HDAC4: variants seen among roughly 807,000 people sequenced by gnomAD.
The protein encoded by HDAC4 is histone deacetylase A.
In HDAC4, 16 loss-of-function variants were observed where a neutral mutation model predicts 135.1. The ratio of observed to expected loss-of-function variants is 0.12; its 90% CI spans 0.08 to 0.18. The LOEUF is 0.18. Among genes scored for constraint, HDAC4 ranks in the 10% least tolerant of loss-of-function variants. HDAC4 has a pLI of 1.00. For synonymous variants in HDAC4, 685 were observed against 653.4 expected, an observed-to-expected ratio of 1.05 and a Z score of -0.74; for missense variants, 1,143 against 1,511.8, an observed-to-expected ratio of 0.76 and a Z score of 4.05.
intron 17 of HDAC4, chr2:239,094,554 G>T: frequency 9.3e-7 from 1 of 1,073,118 alleles, no homozygotes; most frequent in Non-Finnish European, 1.1e-6. Context: ...ACAGCCCAGC[G>T]AGTAGCCCTA....
intron 22 of HDAC4, among the ~76,000 whole-genome samples, chr2:239,075,510 G>A (rs185013740): frequency 6.1e-4 from 93 of 152,294 alleles, no homozygotes; most frequent in African/African-American, 2.2e-3. Context: ...GTGCACCCCT[G>A]GGGCCGGCAA....
chr2:239,120,196 T>C (rs2039515018), intron 12 of HDAC4, among the ~76,000 whole-genome samples: 2 of 150,404 alleles, frequency 1.3e-5, no homozygotes, highest in Admixed American at 1.3e-4. Flanking sequence ...GGGAGACAGA[T>C]CAGAACTGGA....
chr2:239,395,722 T>C (rs1696517054), intron 1 of HDAC4, among the ~76,000 whole-genome samples: 1 of 152,102 alleles, frequency 6.6e-6, no homozygotes, highest in South Asian at 2.1e-4. Flanking sequence ...ACTGCACACT[T>C]CTGCCTGTCT....
chr2:239,152,873 C>T (rs1479534360), intron 7 of HDAC4, among the ~76,000 whole-genome samples: 1 of 152,222 alleles, frequency 6.6e-6, no homozygotes, highest in East Asian at 1.9e-4. Context: ...GCAGAAAACA[C>T]CTCGATCTGG....
intron 12 of HDAC4, among the ~76,000 whole-genome samples, chr2:239,118,628 A>G (rs1308344047): frequency 1.3e-5 from 2 of 152,220 alleles, no homozygotes; most frequent in African/African-American, 4.8e-5. Flanking sequence ...GAGCCCCGTG[A>G]GGCCAAGGGG....
In HDAC4 at chr2:239,333,270, A is replaced by G. The variant is rs1272810502; in HGVS notation, c.22+19408T>C. On this transcript the variant is annotated intron_variant, in intron 2 of 26. Transcript: ENST00000543185. ...GATTTTACATTAAGTGGTTGGTAAAAAAAAGAAGAAAGAAAAGAAAAAAGG... is the reference window on the plus strand; with the variant it reads ...GATTTTACATTAAGTGGTTGGTAAAGAAAAGAAGAAAGAAAAGAAAAAAGG... Among the ~76,000 whole-genome samples the G allele has an allele frequency of 2.0e-5, 3 of 152,202 alleles. No individual in the cohort carries two copies. The East Asian group carries it at 5.8e-4, about 29-fold the overall frequency.
Position 239,124,223 on chromosome 2 carries a change from T to C in HDAC4, c.1533+2233A>G, listed in dbSNP as rs1575112757. ...GTTGTTTTTAGTATATTTACAGAGC[T>C]GTGCAGTCATCACCATATCTAATTT... On this transcript the variant is annotated intron_variant, in intron 12 of 26. Coordinates refer to ENST00000543185, the MANE Select transcript of HDAC4 (RefSeq NM_001378414.1). Among the ~76,000 whole-genome samples the C allele has an allele frequency of 3.3e-5, 5 of 152,328 alleles. No individual in the cohort carries two copies. The South Asian group carries it at 1.0e-3, about 32-fold the overall frequency.
At chr2:239,237,765 G>GT (rs112031202) in intron 2 of HDAC4, among the ~76,000 whole-genome samples, 18,849 of 152,058 alleles carry the variant, frequency 0.12, 1,259 homozygotes, top group Non-Finnish European at 0.15. Context: ...AGCTCAGCAG[G>GT]TGAGGCTGCT....
rs371214338 is a variant in HDAC4, at chr2:239,189,818, C to G, written c.339+15G>C. The G allele has an allele frequency of 5.0e-6, 8 of 1,600,066 alleles. No homozygotes were observed. The highest frequency in any genetic ancestry group is 6.8e-6 in the Non-Finnish European group (8 of 1,178,408). ...CGGAGGCCTGGCCCACCCGCAGCCC[C>G]GCACCGCGCCTCACCTTGATGTGCT... is the stretch of plus-strand genomic sequence containing the variant. On this transcript the variant is annotated intron_variant, in intron 4 of 26. Transcript: ENST00000543185.
In HDAC4 at chr2:239,262,471, G is replaced by A. The variant is rs1009188555; in HGVS notation, c.23-25807C>T. Among the ~76,000 whole-genome samples, 5 of 152,190 alleles carry A rather than the reference G, an allele frequency of 3.3e-5. No individual in the cohort carries two copies. Among genetic ancestry groups the A allele is most frequent in the Admixed American group, 2.6e-4 (4 of 15,292 alleles). On this transcript the variant is annotated intron_variant, in intron 2 of 26. Transcript: ENST00000543185. This position sits in a 1 kb window ranked among gnomAD's most constrained non-coding sequence, Gnocchi z 4.1. ...GATAGAAATTTAATTAGAAACAGAC[G>A]AGGATCTTCTCAAATCACCCTTGCC...
intron 12 of HDAC4, among the ~76,000 whole-genome samples, chr2:239,118,247 G>A (rs576051499): frequency 3.3e-5 from 5 of 152,176 alleles, no homozygotes; most frequent in South Asian, 2.1e-4. Flanking sequence ...TTTAAAGTAC[G>A]GCAGTAAAAG....
At chr2:239,346,246 ACTT>A (rs1477681097) in intron 2 of HDAC4, among the ~76,000 whole-genome samples, 2 of 141,038 alleles carry the variant, frequency 1.4e-5, no homozygotes, top group African/African-American at 5.0e-5. Context: ...ACACACCCAT[ACTT>A]TAATACACAG....
Position 239,146,390 on chromosome 2 carries a change from G to A in HDAC4, c.734-1676C>T, listed in dbSNP as rs867831892. 3.3e-5 allele frequency among the ~76,000 whole-genome samples: 5 copies of A among 152,224 alleles called. No homozygotes were observed. Among genetic ancestry groups the A allele is most frequent in the African/African-American group, 1.2e-4 (5 of 41,458 alleles). Reference sequence around the variant, plus strand: ...CACTTCTGAGAGGCAGGGGCTGTGTGTGCCCACAGAAGAGCACAGGGTCCC... The same window carrying A: ...CACTTCTGAGAGGCAGGGGCTGTGTATGCCCACAGAAGAGCACAGGGTCCC... On this transcript the variant is annotated intron_variant, in intron 7 of 26. Coordinates refer to ENST00000543185, the MANE Select transcript of HDAC4 (RefSeq NM_001378414.1). This position sits in a 1 kb window ranked among gnomAD's most constrained non-coding sequence, Gnocchi z 4.5.
At chr2:239,230,276 T>G (rs116127225) in intron 3 of HDAC4, among the ~76,000 whole-genome samples, 2,326 of 151,160 alleles carry the variant, frequency 0.015, 64 homozygotes, top group African/African-American at 0.054. Context: ...GGACTTAGAA[T>G]TTTATTTTTG....
chr2:239,366,436 T>G (rs1694220156), intron 1 of HDAC4, among the ~76,000 whole-genome samples: 1 of 152,370 alleles, frequency 6.6e-6, no homozygotes. Flanking sequence ...ATGTCAGCAC[T>G]GAGGCCCTTT....
chr2:239,214,157 A>G (rs1464606853), intron 3 of HDAC4, among the ~76,000 whole-genome samples: 1 of 152,210 alleles, frequency 6.6e-6, no homozygotes, highest in Non-Finnish European at 1.5e-5. Flanking sequence ...GAAAGTCAGA[A>G]AGCCAGCAGG....
intron 7 of HDAC4, among the ~76,000 whole-genome samples, chr2:239,152,837 C>T (rs2042198622): frequency 1.3e-5 from 2 of 152,210 alleles, no homozygotes; most frequent in South Asian, 2.1e-4. Context: ...AAATCAAAAA[C>T]ACCCTAACAG....
At position 239,103,333 on chromosome 2, in the gene HDAC4, G is replaced by A. The variant is rs542676819; in HGVS notation, c.2113-437C>T. Among the ~76,000 whole-genome samples, 79 of 152,132 alleles carry A rather than the reference G, an allele frequency of 5.2e-4. 1 individual carries two copies. The South Asian group carries it at 0.016, about 30-fold the overall frequency. On this transcript the variant is annotated intron_variant, in intron 15 of 26. Transcript: ENST00000543185. ...AGGATGAAGCAGCCTTCCTTGGACC[G>A]CCCGGGGCCACAGCTGCCAGGGTCT...
At chr2:239,204,069 A>T (rs900274622) in intron 3 of HDAC4, among the ~76,000 whole-genome samples, 2 of 152,220 alleles carry the variant, frequency 1.3e-5, no homozygotes, top group Non-Finnish European at 2.9e-5. Flanking sequence ...GAATGAAGGG[A>T]AGAGAATTCG....
Sources: gnomAD v4.1 joint callset for allele counts (sites outside exome capture counted in the v4.1 genomes callset) on GRCh38, gnomAD v4.1.1 for gene constraint, Gnocchi (gnomAD v3.1) non-coding constraint, MANE v1.5 for transcripts, NCBI Gene and HGNC (gene_info 2026-07-23, HGNC 2026-07-21) for gene names.